Variants in BNC2 observed in about 807,000 individuals in gnomAD.
BNC2 encodes basonuclin zinc finger protein 2, also known as zinc finger protein basonuclin-2.
A neutral mutation model predicts 76.3 loss-of-function variants in BNC2; 20 were observed. The ratio of observed to expected loss-of-function variants is 0.26; its 90% CI spans 0.18 to 0.38. The LOEUF is 0.38. Among genes scored for constraint, BNC2 ranks in the 10% least tolerant of loss-of-function variants. The pLI is 1.00. For missense variants in BNC2, 1,382 were observed against 1,399.8 expected (o/e 0.99, Z 0.20); for synonymous variants, 582 against 514.8 (o/e 1.13, Z -1.77).
intron 2 of BNC2, among the ~76,000 whole-genome samples, chr9:16,731,941 A>G (rs1824515621): frequency 6.6e-6 from 1 of 152,114 alleles, no homozygotes; most frequent in East Asian, 1.9e-4. Context: ...ATGTACCCTC[A>G]ATGAGATCCA....
At position 16,757,438 on chromosome 9, in the gene BNC2, C is replaced by T. The variant is rs149522500; in HGVS notation, c.4-18953G>A. On this transcript the variant is annotated intron_variant, in intron 1 of 6. Transcript: ENST00000380672. ...AGAGATAAACTCACTCATGCCCTGG[C>T]GCTTGAGTCCAATAAACCCTTGAGC... Among the ~76,000 whole-genome samples the T allele has an allele frequency of 1.1e-4, 17 of 152,236 alleles. No homozygotes were observed. The East Asian group carries it at 2.9e-3, about 26-fold the overall frequency.
rs147044966 is a variant in BNC2 at position 16,522,993 on chromosome 9, A to G, written c.669+29537T>C. ...ATGCTCCAAGAGTTCACTCCCACCA[A>G]TCTCTCAGGTCATCATTTAATTATT... On this transcript the variant is annotated intron_variant, in intron 5 of 6. Transcript: ENST00000380672. Among the ~76,000 whole-genome samples, 243 of 152,260 alleles carry G rather than the reference A, an allele frequency of 1.6e-3. 2 individuals are homozygous for G. The highest frequency in any genetic ancestry group is 5.1e-3 in the African/African-American group (210 of 41,542).
chr9:16,856,673 A>G (rs2136186131), intron 1 of BNC2, among the ~76,000 whole-genome samples: 1 of 152,336 alleles, frequency 6.6e-6, no homozygotes, highest in Middle Eastern at 3.4e-3. Flanking sequence ...TTTGTTTTTT[A>G]GTATCCTTTA....
chr9:16,477,839 G>A (rs1821959866), intron 5 of BNC2, among the ~76,000 whole-genome samples: 1 of 152,076 alleles, frequency 6.6e-6, no homozygotes, highest in Non-Finnish European at 1.5e-5. Flanking sequence ...AACTTCCTTT[G>A]GCTCCTACTT....
chr9:16,709,501 G>T (rs1233819910), intron 3 of BNC2, among the ~76,000 whole-genome samples: 1 of 152,144 alleles, frequency 6.6e-6, no homozygotes. Flanking sequence ...AGAGTTAAGC[G>T]AATTTTGTTT....
chr9:16,609,268 T>C (rs1422970062), intron 3 of BNC2, among the ~76,000 whole-genome samples: 1 of 152,154 alleles, frequency 6.6e-6, no homozygotes, highest in East Asian at 1.9e-4. Flanking sequence ...GTATACATAG[T>C]ATAAAACCCA....
At chr9:16,855,134 C>A (rs72713828) in intron 1 of BNC2, among the ~76,000 whole-genome samples, 1 of 149,886 alleles carries the variant, frequency 6.7e-6, no homozygotes, top group African/African-American at 2.5e-5. Context: ...GTTCACATGG[C>A]GTGTGTGTGT....
At chr9:16,725,268 C>T (rs1351101518) in intron 3 of BNC2, among the ~76,000 whole-genome samples, 1 of 150,854 alleles carries the variant, frequency 6.6e-6, no homozygotes, top group Non-Finnish European at 1.5e-5. Context: ...ATCAGCATTG[C>T]TGATGAACTA....
chr9:16,819,767 C>T (rs1343142971), intron 1 of BNC2, among the ~76,000 whole-genome samples: 1 of 152,090 alleles, frequency 6.6e-6, no homozygotes, highest in African/African-American at 2.4e-5. Flanking sequence ...ACCAAGCACT[C>T]TGAAAATATC....
intron 5 of BNC2, among the ~76,000 whole-genome samples, chr9:16,500,435 T>G (rs1187489368): frequency 5.3e-5 from 8 of 152,140 alleles, no homozygotes; most frequent in African/African-American, 1.4e-4. Flanking sequence ...AACAAACAAT[T>G]TTTTTCTTTG....
At chr9:16,743,226 T>C (rs1215375864) in intron 1 of BNC2, among the ~76,000 whole-genome samples, 1 of 149,946 alleles carries the variant, frequency 6.7e-6, no homozygotes, top group East Asian at 2.0e-4. Flanking sequence ...AACTACACGA[T>C]GACTTGAGTG....
intron 5 of BNC2, among the ~76,000 whole-genome samples, chr9:16,550,765 A>G (rs1818636420): frequency 6.6e-6 from 1 of 152,210 alleles, no homozygotes; most frequent in African/African-American, 2.4e-5. Flanking sequence ...TGGAGGTAAT[A>G]AAGATGGTAC....
chr9:16,729,052 G>A lies in BNC2; in HGVS notation c.130-1055C>T, dbSNP rs537838189. 3.3e-5 allele frequency among the ~76,000 whole-genome samples: 5 copies of A among 152,202 alleles called. No individual in the cohort carries two copies. The East Asian group carries it at 9.7e-4, about 29-fold the overall frequency. Reference sequence around the variant, plus strand: ...TCCATTTTTTATTCAAGATCTCTGTGGAAAATTCTATAACGTTTTCCTGCC... The same window carrying A: ...TCCATTTTTTATTCAAGATCTCTGTAGAAAATTCTATAACGTTTTCCTGCC... On this transcript the variant is annotated intron_variant, in intron 2 of 6. Transcript: ENST00000380672.
chr9:16,660,627 AGG>A (rs1055452600), intron 3 of BNC2, among the ~76,000 whole-genome samples: 17 of 152,260 alleles, frequency 1.1e-4, no homozygotes, highest in Non-Finnish European at 2.2e-4. Flanking sequence ...AAGGACAAAA[AGG>A]GGGAAAAACT....
At chr9:16,648,877 A>G (rs979822450) in intron 3 of BNC2, among the ~76,000 whole-genome samples, 1 of 152,230 alleles carries the variant, frequency 6.6e-6, no homozygotes, top group South Asian at 2.1e-4. Flanking sequence ...GACCATGCAC[A>G]TAAGGGCAGT....
intron 1 of BNC2, among the ~76,000 whole-genome samples, chr9:16,764,084 T>C (rs1825625785): frequency 6.6e-6 from 1 of 152,180 alleles, no homozygotes; most frequent in Non-Finnish European, 1.5e-5. Context: ...TTAACATTGC[T>C]CTCTCTTTCC....
At chr9:16,421,488 T>C (rs1820709715) in intron 6 of BNC2, among the ~76,000 whole-genome samples, 1 of 152,242 alleles carries the variant, frequency 6.6e-6, no homozygotes, top group Admixed American at 6.5e-5. Context: ...GCTGTCTTGA[T>C]GATTTTCAGA....
At chr9:16,532,310 T>G (rs2132244058) in intron 5 of BNC2, among the ~76,000 whole-genome samples, 1 of 152,294 alleles carries the variant, frequency 6.6e-6, no homozygotes, top group East Asian at 1.9e-4. Flanking sequence ...TGTCCTTTTA[T>G]TAAAAGACTC....
chr9:16,459,199 A>G (rs1284940844), intron 5 of BNC2, among the ~76,000 whole-genome samples: 1 of 152,214 alleles, frequency 6.6e-6, no homozygotes, highest in East Asian at 1.9e-4. Flanking sequence ...CCTGTGTCCT[A>G]GCATGCATTC....
Sources: gnomAD v4.1 joint callset for allele counts (sites outside exome capture counted in the v4.1 genomes callset) on GRCh38, gnomAD v4.1.1 for gene constraint, MANE v1.5 for transcripts, NCBI Gene and HGNC (gene_info 2026-07-23, HGNC 2026-07-21) for gene names.